CROCC2: variants seen among roughly 807,000 people sequenced by gnomAD.
The protein encoded by CROCC2 is ciliary rootlet coiled-coil, rootletin family member 2.
In CROCC2, 163 loss-of-function variants were observed where a neutral mutation model predicts 177.6. The observed-to-expected ratio is 0.92, with a 90% CI of 0.81 to 1.05. The LOEUF is 1.05. Ranked by LOEUF, CROCC2 falls within the 50% of genes least tolerant of loss-of-function variation. The pLI is 0.00. For synonymous variants in CROCC2, 904 were observed against 787.3 expected (o/e 1.15, Z -2.48); for missense variants, 1,929 against 1,797.8 (o/e 1.07, Z -1.32).
At chr2:240,910,305 C>T (rs1372361975) in intron 1 of CROCC2, among the ~76,000 whole-genome samples, 1 of 152,184 alleles carries the variant, frequency 6.6e-6, no homozygotes, top group Non-Finnish European at 1.5e-5. Context: ...AGAAGCATGG[C>T]GCAGAGTCCC....
chr2:240,951,686 T>C lies in CROCC2; in HGVS notation c.2829+1176T>C, dbSNP rs999837435. Among the ~76,000 whole-genome samples, 73 of 152,114 alleles carry C rather than the reference T, an allele frequency of 4.8e-4. 1 individual carries two copies. The highest frequency in any genetic ancestry group is 1.2e-4 in the Non-Finnish European group (8 of 68,006). ...TATCCACAACCCATCTGACCATCCA[T>C]CCATCCATCCACTTAACATCCTTTC... On this transcript the variant is annotated intron_variant, in intron 18 of 31. Transcript: ENST00000690015.
intron 5 of CROCC2, among the ~76,000 whole-genome samples, chr2:240,928,466 C>T (rs537462143): frequency 1.4e-3 from 197 of 138,452 alleles, no homozygotes; most frequent in Admixed American, 4.2e-3. Flanking sequence ...CAAGAAATTG[C>T]GTACACTCCC....
chr2:240,968,174 G>A lies in CROCC2; in HGVS notation c.4313G>A (p.Arg1438His), dbSNP rs748771965. ...GCGCTGAGCAGCGCCCGGGCAGCAC[G>A]TGCCCTGCAGAAGGAGGCGCTCCGC... ...EGALSSARAA[R>H]ALQKEALRRL... is the part of the protein sequence containing the mutation. Residue 1438 changes from arginine to histidine, a missense_variant, in exon 27 of 32, where the codon CGT becomes CAT. Transcript: ENST00000690015. 2.4e-5 allele frequency: 36 copies of A among 1,530,334 alleles called. No homozygotes were observed. The highest frequency in any genetic ancestry group is 1.9e-4 in the Middle Eastern group (1 of 5,290). 94.8% of individuals were successfully genotyped at this position (1,530,334 alleles called of 1,614,324 possible). A position where few individuals can be genotyped will look rare whatever the true frequency, so the allele number is the denominator to read the frequency against.
In CROCC2 at chr2:240,982,820, C is replaced by T; in HGVS notation, c.4402-60C>T. On this transcript the variant is annotated intron_variant, in intron 27 of 31. Coordinates refer to ENST00000690015, the MANE Select transcript of CROCC2 (RefSeq NM_001351305.2). The surrounding 1 kb of genome is among the most constrained non-coding windows in gnomAD (Gnocchi z 4.7). ...GGCAGATGCCCTGAGGCCAGGGTTTCCCTGCAGGGCCTCCCACCCCCAGTG... is the reference window on the plus strand; with the variant it reads ...GGCAGATGCCCTGAGGCCAGGGTTTTCCTGCAGGGCCTCCCACCCCCAGTG... 2 of 1,467,844 alleles carry T rather than the reference C, an allele frequency of 1.4e-6. No homozygotes were observed. The highest frequency in any genetic ancestry group is 1.8e-6 in the Non-Finnish European group (2 of 1,089,898). The allele number at this position is 1,467,844 out of a possible 1,614,324, so 90.9% of individuals were successfully genotyped here. A position where few individuals can be genotyped will look rare whatever the true frequency, so the allele number is the denominator to read the frequency against.
At chr2:240,911,402 A>C (rs1249080068) in intron 1 of CROCC2, among the ~76,000 whole-genome samples, 1 of 150,892 alleles carries the variant, frequency 6.6e-6, no homozygotes, top group Admixed American at 6.6e-5. Context: ...TCTTCAAGCA[A>C]TTCTCGTGCT....
chr2:240,965,560 T>C (rs1475720180), intron 23 of CROCC2, 42 bp downstream of exon 23: 2 of 1,549,464 alleles, frequency 1.3e-6, no homozygotes, highest in African/African-American at 2.7e-5. Context: ...GAGCTGGGCG[T>C]CGGGGAGCAG....
chr2:240,913,502 G>A (rs975746831), intron 1 of CROCC2, among the ~76,000 whole-genome samples: 3 of 152,224 alleles, frequency 2.0e-5, no homozygotes, highest in Non-Finnish European at 2.9e-5. Flanking sequence ...GGAGCAGTGC[G>A]CTGTGTCCGA....
intron 27 of CROCC2, among the ~76,000 whole-genome samples, chr2:240,969,249 C>G (rs1218211303): frequency 2.6e-5 from 4 of 152,230 alleles, no homozygotes; most frequent in Non-Finnish European, 5.9e-5. Context: ...CCGGCCAGGC[C>G]TGTGCTGTTC....
Position 240,919,965 on chromosome 2 carries a change from G to C in CROCC2, c.230-18G>C. 1 of 715,740 alleles carries C rather than the reference G, an allele frequency of 1.4e-6. No homozygotes were observed. Among genetic ancestry groups the C allele is most frequent in the Non-Finnish European group, 2.6e-6 (1 of 384,552 alleles). 44.3% of individuals were successfully genotyped at this position (715,740 alleles called of 1,614,324 possible). On this transcript the variant is annotated intron_variant, in intron 2 of 31. Coordinates refer to ENST00000690015, the MANE Select transcript of CROCC2 (RefSeq NM_001351305.2). The stretch of plus-strand genomic sequence containing the variant: ...GGGCCCTGGTCTGGCCACCCAGGCT[G>C]ACCCAGGTACCGTGCAGCAGGGGTA...
intron 29 of CROCC2, 145 bp from the exon 30 acceptor site, chr2:240,989,509 G>A (rs1177626786): frequency 1.0e-5 from 7 of 697,150 alleles, no homozygotes; most frequent in Non-Finnish European, 1.6e-5. Flanking sequence ...CCCCAGGTCT[G>A]CTGGGCAGTC....
chr2:240,965,131 G>A (rs995421315), intron 22 of CROCC2, among the ~76,000 whole-genome samples: 9 of 152,124 alleles, frequency 5.9e-5, no homozygotes, highest in East Asian at 1.9e-4. Flanking sequence ...TGCCCACCCC[G>A]CCCCACCTGA....
chr2:240,967,499 G>A, intron 26 of CROCC2, 34 bp downstream of exon 26: 12 of 1,546,370 alleles, frequency 7.8e-6, no homozygotes, highest in Middle Eastern at 1.7e-4. Context: ...CCCACCCTGG[G>A]AGTGGCTGTG....
At position 240,959,380 on chromosome 2, in the gene CROCC2, A is replaced by C; in HGVS notation, c.3023A>C (p.Glu1008Ala). ...FEDAITAHQR[E>A]TTALRESLQD... The stretch of plus-strand genomic sequence containing the variant: ...GATGCCATCACAGCCCATCAGAGGG[A>C]GACCACGGCCCTACGCGAGAGCCTC... The change falls in exon 20 of 32, where the codon GAG (glutamate) becomes GCG (alanine). Residue 1008 changes from glutamate (E) to alanine (A), a missense_variant. This residue lies in a region of CROCC2 where 1,397 missense variants were observed against 1,239.9 expected (regional missense o/e 1.13). Transcript: ENST00000690015. 2 of 1,550,482 alleles carry C rather than the reference A, an allele frequency of 1.3e-6. No individual in the cohort carries two copies. The highest frequency in any genetic ancestry group is 1.7e-6 in the Non-Finnish European group (2 of 1,146,906).
intron 10 of CROCC2, 116 bp downstream of exon 10, chr2:240,933,458 G>T (rs377169110): frequency 8.3e-7 from 1 of 1,202,552 alleles, no homozygotes; most frequent in Non-Finnish European, 1.1e-6. Context: ...CCGGGGAGGG[G>T]TCCTTGCCTT....
intron 3 of CROCC2, among the ~76,000 whole-genome samples, chr2:240,921,433 T>A (rs1034185107): frequency 6.6e-6 from 1 of 151,952 alleles, no homozygotes; most frequent in Non-Finnish European, 1.5e-5. Context: ...CCTACAGCTG[T>A]GGGGAGGCCT....
chr2:240,926,995 A>G (rs2059399443), intron 5 of CROCC2, among the ~76,000 whole-genome samples: 1 of 152,228 alleles, frequency 6.6e-6, no homozygotes, highest in East Asian at 1.9e-4. Context: ...CAAATGCCAG[A>G]AGGAGAGGGT....
chr2:240,968,309 G>A, intron 27 of CROCC2, 47 bp downstream of exon 27: 1 of 1,495,434 alleles, frequency 6.7e-7, no homozygotes, highest in South Asian at 1.3e-5. Flanking sequence ...CAAGAACAAG[G>A]CCTCTCGGTC....
chr2:240,925,732 G>A lies in CROCC2; in HGVS notation c.497G>A (p.Gly166Asp), dbSNP rs1215353295. The change falls in exon 5 of 32, where the codon GGC becomes GAC. Residue 166 changes from glycine (G) to aspartate (D), a missense_variant. By Grantham distance (94) the Gly-to-Asp change is moderately conservative. Transcript: ENST00000690015. ...RLEAAEERST[G>D]LCQVNALLRE... ...GTGGGTTCTCTGTCCAGGAGCACCG[G>A]CCTCTGTCAGGTGAACGCGCTCCTG... is the stretch of plus-strand genomic sequence containing the variant. 1 of 715,900 alleles carries A rather than the reference G, an allele frequency of 1.4e-6. No individual in the cohort carries two copies. Among genetic ancestry groups the A allele is most frequent in the African/African-American group, 1.7e-5 (1 of 57,266 alleles). The allele number at this position is 715,900 out of a possible 1,614,324, so 44.3% of individuals were successfully genotyped here.
chr2:240,964,332 A>T, intron 21 of CROCC2, 134 bp from the exon 22 acceptor site: 1 of 1,089,922 alleles, frequency 9.2e-7, no homozygotes, highest in Non-Finnish European at 1.3e-6. Flanking sequence ...AACCCTGCAG[A>T]GGCTGAGTTT....
Sources: allele counts gnomAD v4.1 joint callset (sites outside exome capture counted in the v4.1 genomes callset), GRCh38; gene constraint gnomAD v4.1.1; regional missense constraint gnomAD v4.1.1; non-coding constraint Gnocchi (gnomAD v3.1); transcripts MANE v1.5; gene names NCBI Gene and HGNC (gene_info 2026-07-23, HGNC 2026-07-21).